MIGA2: variants seen among roughly 807,000 people sequenced by gnomAD.
MIGA2 encodes the protein family with sequence similarity 73, member B.
In MIGA2, 36 loss-of-function variants were observed where a neutral mutation model predicts 69.9. The observed-to-expected ratio is 0.52, with a 90% CI of 0.39 to 0.68. The LOEUF is 0.68. Ranked by LOEUF, MIGA2 falls within the 30% of genes least tolerant of loss-of-function variation. The probability of loss-of-function intolerance (pLI) is 0.00; values close to 1 mark genes in which losing one functional copy is unlikely to be tolerated. For synonymous variants in MIGA2, 333 were observed against 349.2 expected (o/e 0.95, Z 0.52); for missense variants, 660 against 787.7 (o/e 0.84, Z 1.94).
At chr9:129,049,309 G>T in intron 4 of MIGA2, 72 bp from the exon 5 acceptor site, 3 of 1,445,794 alleles carry the variant, frequency 2.1e-6, no homozygotes, top group South Asian at 1.2e-5. Context: ...GGCAGTGGAG[G>T]AGGGCTCAGG....
intron 6 of MIGA2, 107 bp downstream of exon 6, chr9:129,050,070 C>T: frequency 6.4e-6 from 9 of 1,410,880 alleles, no homozygotes; most frequent in East Asian, 2.3e-5. Context: ...TCTGAGACTG[C>T]TGATTTCCCT....
intron 3 of MIGA2, among the ~76,000 whole-genome samples, chr9:129,048,015 G>C (rs1407087505): frequency 6.6e-6 from 1 of 152,174 alleles, no homozygotes; most frequent in African/African-American, 2.4e-5. Flanking sequence ...ATAGGTGTGA[G>C]CCACCGTGCC....
chr9:129,045,673 G>T (rs969402836), intron 3 of MIGA2, among the ~76,000 whole-genome samples: 1 of 151,464 alleles, frequency 6.6e-6, no homozygotes, highest in Non-Finnish European at 1.5e-5. Context: ...CAGCAATTTG[G>T]GAGGCAGGAG....
At chr9:129,056,990 T>G (rs908007770) in intron 6 of MIGA2, among the ~76,000 whole-genome samples, 4 of 151,646 alleles carry the variant, frequency 2.6e-5, no homozygotes, top group African/African-American at 7.3e-5. Context: ...ACCGAGATCA[T>G]GCCACTGCAT....
intron 2 of MIGA2, 121 bp downstream of exon 2, chr9:129,040,811 C>A: frequency 1.3e-6 from 1 of 781,080 alleles, no homozygotes; most frequent in Non-Finnish European, 2.0e-6. Flanking sequence ...CTGGTGTCTC[C>A]TCTTTGGACT....
chr9:129,064,362 G>A (rs1052574629), intron 11 of MIGA2, among the ~76,000 whole-genome samples: 16 of 151,854 alleles, frequency 1.1e-4, no homozygotes, highest in Middle Eastern at 3.4e-3. Context: ...GCTCGCCACC[G>A]TGCCCGGCTA....
intron 3 of MIGA2, 128 bp from the exon 4 acceptor site, chr9:129,048,299 C>G: frequency 1.2e-6 from 1 of 805,192 alleles, no homozygotes; most frequent in Admixed American, 2.0e-5. Flanking sequence ...CCCCTCTGTT[C>G]CCCTGACTTA....
At chr9:129,053,930 C>T (rs1845673656) in intron 6 of MIGA2, among the ~76,000 whole-genome samples, 1 of 151,924 alleles carries the variant, frequency 6.6e-6, no homozygotes, top group African/African-American at 2.4e-5. Flanking sequence ...GTGGTCCCAG[C>T]TACTCGGGAG....
At chr9:129,051,598 T>G (rs1016027053) in intron 6 of MIGA2, among the ~76,000 whole-genome samples, 4 of 150,916 alleles carry the variant, frequency 2.7e-5, no homozygotes, top group African/African-American at 9.7e-5. Context: ...TATTTATTAT[T>G]TTATTATTTT....
At chr9:129,055,197 C>T (rs1412867223) in intron 6 of MIGA2, among the ~76,000 whole-genome samples, 3 of 151,758 alleles carry the variant, frequency 2.0e-5, no homozygotes, top group African/African-American at 7.3e-5. Flanking sequence ...CCTGCCTCAG[C>T]CTCCTGAGTA....
Position 129,069,404 on chromosome 9 carries a change from G to A in MIGA2, c.1458+275G>A. ...GGCCACAGGGCTGGCAGCTGGCCTG[G>A]TGCAGGCGTCTCGGTGGGGGCAGGA... On this transcript the variant is annotated intron_variant, in intron 14 of 15. Coordinates refer to ENST00000684074, the MANE Select transcript of MIGA2 (RefSeq NM_001329990.2). This position sits in a 1 kb window ranked among gnomAD's most constrained non-coding sequence, Gnocchi z 4.9. 1 of 564,254 alleles carries A rather than the reference G, an allele frequency of 1.8e-6. No individual in the cohort carries two copies. The highest frequency in any genetic ancestry group is 2.1e-5 in the South Asian group (1 of 47,422). The allele number at this position is 564,254 out of a possible 1,614,324, so 35.0% of individuals were successfully genotyped here.
intron 6 of MIGA2, among the ~76,000 whole-genome samples, chr9:129,055,669 G>A (rs1173677002): frequency 6.6e-6 from 1 of 152,010 alleles, no homozygotes; most frequent in African/African-American, 2.4e-5. Context: ...CTAACACAGT[G>A]AAACCCCGTC....
In MIGA2 at chr9:129,063,264, A is replaced by G. The variant is rs768587362; in HGVS notation, c.1031A>G (p.Tyr344Cys). 3.1e-6 allele frequency: 5 copies of G among 1,614,066 alleles called. No individual in the cohort carries two copies. The highest frequency in any genetic ancestry group is 4.2e-6 in the Non-Finnish European group (5 of 1,179,996). Residue 344 changes from tyrosine (Y) to cysteine (C), a missense_variant, in exon 10 of 16, where the codon TAC becomes TGC. Coordinates refer to ENST00000684074, the MANE Select transcript of MIGA2 (RefSeq NM_001329990.2). ...CTCAGGACGGAGCTGCTGGGCTGCT[A>G]CAGTGACCAGGACTTTCTGGCCAAG... Reference protein sequence around the residue: ...RTLRTELLGCYSDQDFLAKLH... With the variant: ...RTLRTELLGCCSDQDFLAKLH...
At position 129,059,144 on chromosome 9, in the gene MIGA2, T is replaced by G; in HGVS notation, c.676-10T>G. On this transcript the variant is annotated splice_polypyrimidine_tract_variant and intron_variant, in intron 6 of 15. Coordinates refer to ENST00000684074, the MANE Select transcript of MIGA2 (RefSeq NM_001329990.2). This position sits in a 1 kb window ranked among gnomAD's most constrained non-coding sequence, Gnocchi z 5.6. Reference sequence around the variant, plus strand: ...AGGGTCTGGGTTGAGGGTCCTTGTTTTTATGGCAGCCAGAGTCACAGCGGA... The same window carrying G: ...AGGGTCTGGGTTGAGGGTCCTTGTTGTTATGGCAGCCAGAGTCACAGCGGA... 1 of 1,612,922 alleles carries G rather than the reference T, an allele frequency of 6.2e-7. No individual in the cohort carries two copies. Among genetic ancestry groups the G allele is most frequent in the Non-Finnish European group, 8.5e-7 (1 of 1,179,042 alleles).
chr9:129,040,832 T>C, intron 2 of MIGA2, 142 bp downstream of exon 2: 1 of 637,994 alleles, frequency 1.6e-6, no homozygotes, highest in Non-Finnish European at 2.6e-6. Flanking sequence ...GGGTTTGTTG[T>C]CTGAGGCTTC....
chr9:129,038,154 C>T (rs747854108), intron 1 of MIGA2, among the ~76,000 whole-genome samples: 11 of 152,154 alleles, frequency 7.2e-5, no homozygotes, highest in Admixed American at 2.6e-4. Flanking sequence ...CTGCAGCTCA[C>T]GTAGCTCAAT....
rs774273015 is a variant in MIGA2 at position 129,049,810 on chromosome 9, G to A, written c.539-17G>A. ...GTGGAGGTGCTGACCCACGCTTTTC[G>A]CCTCACCTGTGCTCAGGCATGGAGC... On this transcript the variant is annotated splice_polypyrimidine_tract_variant and intron_variant, in intron 5 of 15. Coordinates refer to ENST00000684074, the MANE Select transcript of MIGA2 (RefSeq NM_001329990.2). 12 of 1,613,734 alleles carry A rather than the reference G, an allele frequency of 7.4e-6. No homozygotes were observed. The highest frequency in any genetic ancestry group is 1.0e-5 in the Non-Finnish European group (12 of 1,179,956).
chr9:129,042,009 G>A (rs904806430), intron 2 of MIGA2: 23 of 417,324 alleles, frequency 5.5e-5, no homozygotes, highest in Admixed American at 1.1e-4. Context: ...GTGCAGTGCC[G>A]GGCACAGCTG....
chr9:129,053,593 C>T (rs1311114345), intron 6 of MIGA2, among the ~76,000 whole-genome samples: 1 of 152,098 alleles, frequency 6.6e-6, no homozygotes, highest in Non-Finnish European at 1.5e-5. Context: ...TTTCTATCTC[C>T]TGACCTCAGG....
Sources: gnomAD v4.1 joint callset for allele counts (sites outside exome capture counted in the v4.1 genomes callset) on GRCh38, gnomAD v4.1.1 for gene constraint, Gnocchi (gnomAD v3.1) non-coding constraint, MANE v1.5 for transcripts, NCBI Gene and HGNC (gene_info 2026-07-23, HGNC 2026-07-21) for gene names.